AAK1: variants seen among roughly 807,000 people sequenced by gnomAD.
AAK1 encodes AP2 associated kinase 1.
A neutral mutation model predicts 116.0 loss-of-function variants in AAK1; 37 were observed. That is an observed-to-expected ratio of 0.32 (90% confidence interval 0.25 to 0.42). The LOEUF (loss-of-function observed/expected upper bound fraction) is 0.42, where lower values mean the gene tolerates loss of function less well. AAK1 is among the 10% of genes least tolerant of loss of function. The pLI, the probability that AAK1 is intolerant of heterozygous loss-of-function variation, is 1.00. For missense variants in AAK1, 919 were observed against 1,170.6 expected (o/e 0.79, Z 3.14); for synonymous variants, 458 against 439.9 (o/e 1.04, Z -0.51).
chr2:69,469,453 C>T lies in AAK1; in HGVS notation c.*6416G>A. ...AATGTGTTTTCAGGGTGAACAGTTC[C>T]TTTATATGAAGGTAGCATTGTGTCA... On this transcript the variant is annotated 3_prime_UTR_variant, in exon 22 of 22. Coordinates refer to ENST00000409085, the MANE Select transcript of AAK1 (RefSeq NM_014911.5). 1 of 985,394 alleles carries T rather than the reference C, an allele frequency of 1.0e-6. No individual in the cohort carries two copies. Among genetic ancestry groups the T allele is most frequent in the Non-Finnish European group, 1.2e-6 (1 of 829,934 alleles). The allele number at this position is 985,394 out of a possible 1,614,324, so 61.0% of individuals were successfully genotyped here.
chr2:69,614,480 A>G (rs1275771402), intron 2 of AAK1, among the ~76,000 whole-genome samples: 1 of 152,168 alleles, frequency 6.6e-6, no homozygotes, highest in African/African-American at 2.4e-5. Flanking sequence ...GCAACAGTGC[A>G]GGGTCCCAGG....
At chr2:69,607,151 G>A (rs10193339) in intron 2 of AAK1, among the ~76,000 whole-genome samples, 17,406 of 151,868 alleles carry the variant, frequency 0.11, 2,250 homozygotes, top group African/African-American at 0.3. Context: ...GGAAGAGGGT[G>A]AAGAATTTCA....
intron 9 of AAK1, among the ~76,000 whole-genome samples, chr2:69,525,347 G>A (rs761655722): frequency 2.6e-5 from 4 of 152,192 alleles, no homozygotes; most frequent in Non-Finnish European, 5.9e-5. Flanking sequence ...AGAGTAGCTT[G>A]TGTGCAGCAC....
chr2:69,575,585 C>T (rs569757464), intron 2 of AAK1, among the ~76,000 whole-genome samples: 2 of 151,480 alleles, frequency 1.3e-5, no homozygotes, highest in Non-Finnish European at 2.9e-5. Context: ...TCTCCTGCCT[C>T]AGCCTCCCAA....
intron 5 of AAK1, among the ~76,000 whole-genome samples, chr2:69,539,390 C>T (rs1670609004): frequency 6.6e-6 from 1 of 150,472 alleles, no homozygotes; most frequent in Admixed American, 6.6e-5. Context: ...AACTCTAACC[C>T]CATTTGACAT....
rs200751480 is a variant in AAK1 at position 69,640,057 on chromosome 2, T to A, written c.163+2821A>T. Among the ~76,000 whole-genome samples, 166 of 131,784 alleles carry A rather than the reference T, an allele frequency of 1.3e-3. No individual in the cohort carries two copies. The East Asian group carries it at 0.014, about 11-fold the overall frequency. The allele number at this position is 131,784 out of a possible 152,430, so 86.5% of individuals were successfully genotyped here. On this transcript the variant is annotated intron_variant, in intron 2 of 21. Transcript: ENST00000409085. ...CACACACACACACACACACACACTC[T>A]CTCTCTCTCTCTCTCTCTCTCTCCC...
chr2:69,606,083 G>A (rs1673785615), intron 2 of AAK1, among the ~76,000 whole-genome samples: 1 of 152,110 alleles, frequency 6.6e-6, no homozygotes. Flanking sequence ...TTGTTCCTAT[G>A]TCTAACCTTC....
intron 5 of AAK1, among the ~76,000 whole-genome samples, chr2:69,534,975 T>C (rs1670403051): frequency 6.6e-6 from 1 of 152,228 alleles, no homozygotes; most frequent in Non-Finnish European, 1.5e-5. Context: ...GTTATGCCTG[T>C]GCATCTCCCA....
At chr2:69,530,341 G>A (rs546232088) in intron 7 of AAK1, among the ~76,000 whole-genome samples, 3 of 152,164 alleles carry the variant, frequency 2.0e-5, no homozygotes, top group East Asian at 1.9e-4. Context: ...TTACCAAATC[G>A]TGTTCCAGTA....
In AAK1 at chr2:69,642,941, A is replaced by G; in HGVS notation, c.100T>C (p.Tyr34His). ...CCGATGCCGAAGACTCTTCCGATGTAGCCACTGCCCAGGCCCGAGGTGCTG... is the reference window on the plus strand; with the variant it reads ...CCGATGCCGAAGACTCTTCCGATGTGGCCACTGCCCAGGCCCGAGGTGCTG... ...GGSTSGLGSG[Y>H]IGRVFGIGRQ... Residue 34 changes from tyrosine (Y) to histidine (H), a missense_variant, in exon 2 of 22, where the codon TAC (tyrosine) becomes CAC (histidine). Around this residue, in one of 4 missense-constraint regions of AAK1, gnomAD observed 317 missense variants for 490.4 expected, o/e 0.65. Transcript: ENST00000409085. 6.2e-7 allele frequency: 1 copy of G among 1,613,912 alleles called. No individual in the cohort carries two copies. The highest frequency in any genetic ancestry group is 1.1e-5 in the South Asian group (1 of 91,070).
At chr2:69,642,402 CG>C (rs1456100775) in intron 2 of AAK1, among the ~76,000 whole-genome samples, 1 of 152,010 alleles carries the variant, frequency 6.6e-6, no homozygotes, top group Non-Finnish European at 1.5e-5. Flanking sequence ...AACACGTTCA[CG>C]TTCTCCGAAA....
chr2:69,520,028 G>A (rs1669693694), intron 11 of AAK1: 3 of 218,354 alleles, frequency 1.4e-5, no homozygotes, highest in Admixed American at 1.2e-4. Context: ...TGATGTATTA[G>A]ACCCAAGCAG....
intron 5 of AAK1, among the ~76,000 whole-genome samples, chr2:69,541,592 T>TA (rs1368039933): frequency 6.6e-6 from 1 of 152,134 alleles, no homozygotes; most frequent in African/African-American, 2.4e-5. Flanking sequence ...CAATTTTTTT[T>TA]AAAAAGTTAA....
At chr2:69,590,502 G>A (rs1672983540) in intron 2 of AAK1, among the ~76,000 whole-genome samples, 1 of 152,218 alleles carries the variant, frequency 6.6e-6, no homozygotes, top group African/African-American at 2.4e-5. Flanking sequence ...CAGAGCCAGG[G>A]CAGGAGTGAT....
At chr2:69,573,859 C>T (rs1205858799) in intron 2 of AAK1, among the ~76,000 whole-genome samples, 3 of 151,462 alleles carry the variant, frequency 2.0e-5, no homozygotes, top group Non-Finnish European at 2.9e-5. Flanking sequence ...ATTAGCTGGG[C>T]GTGGTTGCGG....
At chr2:69,628,716 C>T (rs1675026115) in intron 2 of AAK1, among the ~76,000 whole-genome samples, 1 of 152,150 alleles carries the variant, frequency 6.6e-6, no homozygotes, top group South Asian at 2.1e-4. Context: ...GAAAGGAATA[C>T]TTCATCTTCT....
At chr2:69,636,137 G>A (rs1157973648) in intron 2 of AAK1, among the ~76,000 whole-genome samples, 1 of 151,980 alleles carries the variant, frequency 6.6e-6, no homozygotes, top group Non-Finnish European at 1.5e-5. Context: ...TGGATTCACT[G>A]ATTACATTAT....
chr2:69,569,145 T>C (rs954400635), intron 2 of AAK1, among the ~76,000 whole-genome samples: 3 of 152,164 alleles, frequency 2.0e-5, no homozygotes, highest in Non-Finnish European at 4.4e-5. Flanking sequence ...TTAAAAGCAT[T>C]CATTAGTCCC....
At chr2:69,592,709 A>AAGTTCTACCCTGAGATTCAC (rs1045218231) in intron 2 of AAK1, among the ~76,000 whole-genome samples, 2 of 152,186 alleles carry the variant, frequency 1.3e-5, no homozygotes. Flanking sequence ...AAATTCAATA[A>AAGTTCTACCCTGAGATTCAC]AGTTCTACCC....
Sources: gnomAD v4.1 joint callset for allele counts (sites outside exome capture counted in the v4.1 genomes callset) on GRCh38, gnomAD v4.1.1 for gene constraint, gnomAD v4.1.1 regional missense constraint, MANE v1.5 for transcripts, NCBI Gene and HGNC (gene_info 2026-07-23, HGNC 2026-07-21) for gene names.